The following SLC7A5 variants were observed in gnomAD, a reference collection of about 807,000 sequenced individuals.
SLC7A5 encodes the protein large neutral amino acids transporter small subunit 1.
Under a neutral mutation model 50.2 loss-of-function variants are expected in SLC7A5, and 23 were observed. That is an observed-to-expected ratio of 0.46 (90% CI 0.33 to 0.65). The LOEUF is 0.65. Among genes scored for constraint, SLC7A5 ranks in the 30% least tolerant of loss-of-function variants. The probability of loss-of-function intolerance (pLI) is 0.02; values close to 1 mark genes in which losing one functional copy is unlikely to be tolerated. For synonymous variants in SLC7A5, 393 were observed against 330.6 expected (o/e 1.19, Z -2.05); for missense variants, 578 against 684.4 (o/e 0.84, Z 1.73).
chr16:87,838,468 A>G (rs2055040535), intron 6 of SLC7A5, among the ~76,000 whole-genome samples: 1 of 151,670 alleles, frequency 6.6e-6, no homozygotes, highest in Non-Finnish European at 1.5e-5. Context: ...ATTTTTGTAT[A>G]TTTTTGTAGA....
rs375318185 is a variant in SLC7A5 at position 87,869,141 on chromosome 16, G to C, written c.282C>G (p.Val94=). The change falls in exon 1 of 10, where the codon GTC becomes GTG. Residue 94 remains valine, a synonymous_variant. Transcript: ENST00000261622. The part of the protein sequence containing the change: ...LALVVWAACG[V]FSIVGALCYA... ...AGCAGAGCGCGCCCACGATGGAGAA[G>C]ACGCCGCACGCGGCCCACACCACCA... 16 of 1,611,790 alleles carry C rather than the reference G, an allele frequency of 9.9e-6. No individual in the cohort carries two copies. The highest frequency in any genetic ancestry group is 2.2e-5 in the East Asian group (1 of 44,886).
chr16:87,868,433 G>A (rs928656802), intron 1 of SLC7A5, among the ~76,000 whole-genome samples: 2 of 152,226 alleles, frequency 1.3e-5, no homozygotes, highest in Non-Finnish European at 1.5e-5. Flanking sequence ...CTGACGAGCT[G>A]GTGTGGAGAG....
intron 8 of SLC7A5, among the ~76,000 whole-genome samples, chr16:87,836,223 T>A (rs2055001368): frequency 6.6e-6 from 1 of 152,262 alleles, no homozygotes; most frequent in Admixed American, 6.5e-5. Flanking sequence ...CGCCCACCTA[T>A]GACTGCAGTG....
rs2055251118 is a variant in SLC7A5 at position 87,852,684 on chromosome 16, G to GTGTGTGTGTA, written c.539-836_539-835insTACACACACA. Among the ~76,000 whole-genome samples, 1 of 141,516 alleles carries GTGTGTGTGTA rather than the reference G, an allele frequency of 7.1e-6. No individual in the cohort carries two copies. The highest frequency in any genetic ancestry group is 2.0e-4 in the East Asian group (1 of 4,974). 92.8% of individuals were successfully genotyped at this position (141,516 alleles called of 152,430 possible). On this transcript the variant is annotated intron_variant, in intron 1 of 9. Transcript: ENST00000261622. The surrounding 1 kb of genome is among the most constrained non-coding windows in gnomAD (Gnocchi z 4.5). ...TGTGTGTGTGTGTGTGTGTGTGTGT[G>GTGTGTGTGTA]TGTTGGGGGTTCTGTTGCAATATAT...
intron 1 of SLC7A5, among the ~76,000 whole-genome samples, chr16:87,854,376 C>CT (rs889371109): frequency 3.3e-5 from 5 of 152,030 alleles, no homozygotes; most frequent in Admixed American, 1.3e-4. Flanking sequence ...CCACAGTGTC[C>CT]TTTTTTTTAC....
chr16:87,861,737 C>G lies in SLC7A5; in HGVS notation c.538+7148G>C, dbSNP rs771003194. Among the ~76,000 whole-genome samples, 6 of 152,188 alleles carry G rather than the reference C, an allele frequency of 3.9e-5. No homozygotes were observed. Among genetic ancestry groups the G allele is most frequent in the Non-Finnish European group, 7.3e-5 (5 of 68,030 alleles). ...ATTTCTGGGCAAGATTCTGCACATT[C>G]TGCTGGATTATGAAAGAGGTCTGTG... On this transcript the variant is annotated intron_variant, in intron 1 of 9. Transcript: ENST00000261622. This position sits in a 1 kb window ranked among gnomAD's most constrained non-coding sequence, Gnocchi z 4.2.
In SLC7A5 at chr16:87,853,712, A is replaced by AGCTTTCTG. The variant is rs141181294; in HGVS notation, c.539-1871_539-1864dup. Among the ~76,000 whole-genome samples the AGCTTTCTG allele has an allele frequency of 7.0e-3, 1,062 of 152,198 alleles. 26 individuals are homozygous for AGCTTTCTG. The East Asian group carries it at 0.074, about 11-fold the overall frequency. ...TCGGGGACCTAGCCGGCTTCTGGAG[A>AGCTTTCTG]GCTTTCTGGATTCGCAAGAGGCCGG... On this transcript the variant is annotated intron_variant, in intron 1 of 9. Transcript: ENST00000261622. The surrounding 1 kb of genome is among the most constrained non-coding windows in gnomAD (Gnocchi z 4.4).
chr16:87,866,183 T>C (rs1166988032), intron 1 of SLC7A5, among the ~76,000 whole-genome samples: 3 of 152,170 alleles, frequency 2.0e-5, no homozygotes, highest in African/African-American at 7.2e-5. Context: ...CTCTGCGTAC[T>C]GCCTGGGAAC....
intron 9 of SLC7A5, among the ~76,000 whole-genome samples, chr16:87,834,212 G>A (rs1426893265): frequency 6.6e-6 from 1 of 152,198 alleles, no homozygotes; most frequent in Non-Finnish European, 1.5e-5. Context: ...CCCTCGTCCT[G>A]AGAGATTAGC....
intron 2 of SLC7A5, among the ~76,000 whole-genome samples, chr16:87,844,650 G>A (rs540259900): frequency 6.6e-5 from 10 of 152,234 alleles, no homozygotes; most frequent in Admixed American, 2.6e-4. Context: ...CCTGCCCAGC[G>A]TGGGGAACAT....
At chr16:87,851,972 A>G in intron 1 of SLC7A5, 123 bp from the exon 2 acceptor site, 1 of 1,149,458 alleles carries the variant, frequency 8.7e-7, no homozygotes, top group Non-Finnish European at 1.3e-6. Flanking sequence ...CAAGCTCCTT[A>G]AACAGCTCCA....
intron 8 of SLC7A5, 50 bp from the exon 9 acceptor site, chr16:87,834,641 T>C: frequency 6.5e-7 from 1 of 1,548,382 alleles, no homozygotes. Context: ...CCAGCCTCCC[T>C]CCCCCATGCC....
At chr16:87,844,568 C>T (rs2143753841) in intron 2 of SLC7A5, among the ~76,000 whole-genome samples, 1 of 152,368 alleles carries the variant, frequency 6.6e-6, no homozygotes, top group Non-Finnish European at 1.5e-5. Flanking sequence ...ATGCGGCCAA[C>T]CCTCCAAGCC....
At chr16:87,865,260 A>C (rs548628895) in intron 1 of SLC7A5, among the ~76,000 whole-genome samples, 1 of 152,244 alleles carries the variant, frequency 6.6e-6, no homozygotes, top group African/African-American at 2.4e-5. Context: ...GAGAAAAAAA[A>C]CAAGTACAAA....
At chr16:87,839,409 C>CATA (rs2055055467) in intron 5 of SLC7A5, among the ~76,000 whole-genome samples, 4 of 152,244 alleles carry the variant, frequency 2.6e-5, no homozygotes, top group African/African-American at 9.6e-5. Context: ...CTGGACTCCC[C>CATA]AGGCATTCTG....
chr16:87,858,908 C>G (rs1219943822), intron 1 of SLC7A5, among the ~76,000 whole-genome samples: 1 of 152,254 alleles, frequency 6.6e-6, no homozygotes, highest in Non-Finnish European at 1.5e-5. Context: ...CCGATGGGCT[C>G]TGCAGATGCA....
chr16:87,854,003 T>A (rs1004948058), intron 1 of SLC7A5: 13 of 151,804 alleles, frequency 8.6e-5, no homozygotes, highest in Non-Finnish European at 1.8e-4. Flanking sequence ...CCTGCCACAC[T>A]GACGTGGTGC....
rs901181886 is a variant in SLC7A5, at chr16:87,861,490, C to G, written c.538+7395G>C. 3.3e-5 allele frequency among the ~76,000 whole-genome samples: 5 copies of G among 152,172 alleles called. No homozygotes were observed. The highest frequency in any genetic ancestry group is 1.2e-4 in the African/African-American group (5 of 41,440). ...GGGCACTGTGGCCCCTGGCTCCTGG[C>G]TCGCTCCTGCCTCAGTTTCCCCAGC... On this transcript the variant is annotated intron_variant, in intron 1 of 9. Coordinates refer to ENST00000261622, the MANE Select transcript of SLC7A5 (RefSeq NM_003486.7). This position sits in a 1 kb window ranked among gnomAD's most constrained non-coding sequence, Gnocchi z 4.2.
intron 7 of SLC7A5, chr16:87,836,854 C>A: frequency 6.2e-5 from 15 of 241,400 alleles, no homozygotes; most frequent in South Asian, 3.2e-4. Flanking sequence ...AGGGAAGAGG[C>A]GGGGAGGAGG....
Sources: allele counts gnomAD v4.1 joint callset (sites outside exome capture counted in the v4.1 genomes callset), GRCh38; gene constraint gnomAD v4.1.1; non-coding constraint Gnocchi (gnomAD v3.1); transcripts MANE v1.5; gene names NCBI Gene and HGNC (gene_info 2026-07-23, HGNC 2026-07-21).